The following PCBP3 variants were observed in gnomAD, a reference collection of about 807,000 sequenced individuals.
The protein encoded by PCBP3 is poly(rC) binding protein 3, also known as poly(rC)-binding protein 3.
In PCBP3, 25 loss-of-function variants were observed where a neutral mutation model predicts 52.7. That is an observed-to-expected ratio of 0.47 (90% CI 0.35 to 0.66). The LOEUF (loss-of-function observed/expected upper bound fraction) is 0.66, where lower values mean the gene tolerates loss of function less well. Among genes scored for constraint, PCBP3 ranks in the 30% least tolerant of loss-of-function variants. The probability of loss-of-function intolerance (pLI) is 0.01; values close to 1 mark genes in which losing one functional copy is unlikely to be tolerated. For synonymous variants in PCBP3, 162 were observed against 183.0 expected (o/e 0.89, Z 0.93); for missense variants, 391 against 490.3 (o/e 0.80, Z 1.91).
At chr21:45,816,768 A>G (rs1215229796) in intron 4 of PCBP3, among the ~76,000 whole-genome samples, 3 of 150,532 alleles carry the variant, frequency 2.0e-5, no homozygotes, top group Non-Finnish European at 3.0e-5. Flanking sequence ...AAATAGAAGG[A>G]GTACACTAGA....
chr21:45,879,799 A>G (rs994573374), intron 5 of PCBP3, among the ~76,000 whole-genome samples: 2 of 152,064 alleles, frequency 1.3e-5, no homozygotes, highest in Non-Finnish European at 2.9e-5. Context: ...GATACTAGTA[A>G]ATCAGTGCCT....
intron 2 of PCBP3, among the ~76,000 whole-genome samples, chr21:45,721,781 T>G (rs2084661347): frequency 6.6e-6 from 1 of 152,168 alleles, no homozygotes; most frequent in African/African-American, 2.4e-5. Context: ...AGTCTTACTG[T>G]TGATGAAGCA....
At chr21:45,715,398 A>G (rs867346222) in intron 2 of PCBP3, among the ~76,000 whole-genome samples, 10 of 152,244 alleles carry the variant, frequency 6.6e-5, no homozygotes, top group Non-Finnish European at 7.3e-5. Flanking sequence ...TACCCATTAA[A>G]GCGTACAAGT....
At chr21:45,840,900 C>T (rs2093686792) in intron 4 of PCBP3, among the ~76,000 whole-genome samples, 2 of 152,208 alleles carry the variant, frequency 1.3e-5, no homozygotes, top group Non-Finnish European at 2.9e-5. Context: ...CAGATGTGAG[C>T]CACTGCACCC....
At chr21:45,756,920 C>CGTTTACACTTTTTGGGTATTTAGTTT (rs1318236361) in intron 4 of PCBP3, among the ~76,000 whole-genome samples, 8 of 152,062 alleles carry the variant, frequency 5.3e-5, no homozygotes, top group African/African-American at 1.9e-4. Context: ...GTATTTAGTT[C>CGTTTACACTTTTTGGGTATTTAGTTT]GTTTACACTT....
intron 4 of PCBP3, among the ~76,000 whole-genome samples, chr21:45,804,118 C>T (rs1008302100): frequency 1.2e-4 from 19 of 152,252 alleles, no homozygotes; most frequent in African/African-American, 4.1e-4. Context: ...CCTGCTGCCG[C>T]GCCTCCCTCT....
intron 3 of PCBP3, chr21:45,749,900 T>TG (rs1335283263): frequency 6.6e-6 from 1 of 152,278 alleles, no homozygotes; most frequent in Non-Finnish European, 1.5e-5. Context: ...GATCAGGTGT[T>TG]GCATCTGCTT....
chr21:45,750,097 T>C (rs2087288269), intron 3 of PCBP3: 1 of 152,314 alleles, frequency 6.6e-6, no homozygotes, highest in Non-Finnish European at 1.5e-5. Flanking sequence ...CTGCGTGGGA[T>C]TGTGCTTCCT....
At chr21:45,930,116 TGCG>T (rs2075984886) in intron 14 of PCBP3, 121 bp downstream of exon 14, 1 of 378,040 alleles carries the variant, frequency 2.6e-6, no homozygotes, top group Non-Finnish European at 4.7e-6. Context: ...GTGCCGGTGC[TGCG>T]GCGTTCACAT....
chr21:45,806,817 G>C (rs2092519820), intron 4 of PCBP3, among the ~76,000 whole-genome samples: 1 of 152,068 alleles, frequency 6.6e-6, no homozygotes, highest in Non-Finnish European at 1.5e-5. Flanking sequence ...CCAGAGCACT[G>C]AGGCACTGGG....
intron 2 of PCBP3, among the ~76,000 whole-genome samples, chr21:45,671,052 G>T (rs777421589): frequency 3.9e-5 from 6 of 152,194 alleles, no homozygotes; most frequent in Non-Finnish European, 8.8e-5. Flanking sequence ...ACCATGATCT[G>T]TATCTCTTCA....
chr21:45,851,562 A>T (rs1350127127), intron 5 of PCBP3, among the ~76,000 whole-genome samples: 2 of 152,154 alleles, frequency 1.3e-5, no homozygotes, highest in African/African-American at 2.4e-5. Flanking sequence ...GATGGAACAG[A>T]ATATAGAAAG....
intron 9 of PCBP3, 63 bp from the exon 10 acceptor site, chr21:45,909,292 G>A: frequency 6.5e-7 from 1 of 1,548,856 alleles, no homozygotes; most frequent in Non-Finnish European, 8.8e-7. Context: ...CACACCCCCT[G>A]CCCTCCTGCT....
chr21:45,909,881 C>T, intron 10 of PCBP3, among the ~76,000 whole-genome samples: 1 of 95,090 alleles, frequency 1.1e-5, no homozygotes, highest in Non-Finnish European at 2.2e-5. Context: ...ACGGACCCGG[C>T]CACCCACTGC....
intron 5 of PCBP3, among the ~76,000 whole-genome samples, chr21:45,879,283 C>A (rs1200641532): frequency 6.6e-6 from 1 of 152,066 alleles, no homozygotes; most frequent in Non-Finnish European, 1.5e-5. Context: ...CTGCGCCTGG[C>A]CAAGGAAATA....
rs915228108 is a variant in PCBP3, at chr21:45,827,115, G to T, written c.-125-22846G>T. On this transcript the variant is annotated intron_variant, in intron 4 of 17. Transcript: ENST00000681687. The surrounding 1 kb of genome is among the most constrained non-coding windows in gnomAD (Gnocchi z 4.3). ...CGCTCCCCACTCCCGCGTCCCTGGG[G>T]ACCACACGGGGACTGGAGCTCCCTA... Among the ~76,000 whole-genome samples the T allele has an allele frequency of 6.6e-6, 1 of 152,146 alleles. No homozygotes were observed. The highest frequency in any genetic ancestry group is 1.5e-5 in the Non-Finnish European group (1 of 68,028).
At chr21:45,864,029 C>A (rs76122419) in intron 5 of PCBP3, among the ~76,000 whole-genome samples, 1 of 152,194 alleles carries the variant, frequency 6.6e-6, no homozygotes, top group Non-Finnish European at 1.5e-5. Flanking sequence ...TAGCAAGTGT[C>A]AATAATCTTC....
In PCBP3 at chr21:45,736,996, G is replaced by C. The variant is rs1232907895; in HGVS notation, c.-162+1567G>C. ...CGAGTCTTGCTGGAGGTGCACGTGT[G>C]AGCCCCTTGGTGCAGGAGGTGAGGA... On this transcript the variant is annotated intron_variant, in intron 3 of 17. Coordinates refer to ENST00000681687, the MANE Select transcript of PCBP3 (RefSeq NM_001384156.1). The surrounding 1 kb of genome is among the most constrained non-coding windows in gnomAD (Gnocchi z 4.6). Among the ~76,000 whole-genome samples the C allele has an allele frequency of 6.6e-6, 1 of 152,130 alleles. No homozygotes were observed. The highest frequency in any genetic ancestry group is 2.4e-5 in the African/African-American group (1 of 41,426).
At chr21:45,758,914 G>A (rs187171777) in intron 4 of PCBP3, among the ~76,000 whole-genome samples, 21 of 152,214 alleles carry the variant, frequency 1.4e-4, no homozygotes, top group Non-Finnish European at 2.5e-4. Context: ...ATGAATGCTA[G>A]TTGAATTTTG....
Sources: allele counts gnomAD v4.1 joint callset (sites outside exome capture counted in the v4.1 genomes callset), GRCh38; gene constraint gnomAD v4.1.1; non-coding constraint Gnocchi (gnomAD v3.1); transcripts MANE v1.5; gene names NCBI Gene and HGNC (gene_info 2026-07-23, HGNC 2026-07-21).